Variants in AGMO observed in about 807,000 individuals in gnomAD.
AGMO encodes alkylglycerol monooxygenase, also known as glyceryl-ether monooxygenase.
A neutral mutation model predicts 60.2 loss-of-function variants in AGMO; 75 were observed. The ratio of observed to expected loss-of-function variants is 1.25; its 90% CI spans 1.03 to 1.51. The LOEUF (loss-of-function observed/expected upper bound fraction) is 1.51. Among genes scored for constraint, AGMO ranks in the 40% most tolerant of loss-of-function variants. The probability of loss-of-function intolerance (pLI) is 0.00; values close to 1 mark genes in which losing one functional copy is unlikely to be tolerated. For missense variants in AGMO, 763 were observed against 525.5 expected (o/e 1.45, Z -4.42); for synonymous variants, 261 against 177.1 (o/e 1.47, Z -3.76).
intron 12 of AGMO, among the ~76,000 whole-genome samples, chr7:15,240,658 C>G (rs1269656305): frequency 6.6e-6 from 1 of 152,116 alleles, no homozygotes; most frequent in Admixed American, 6.5e-5. Flanking sequence ...ATCACTCTCT[C>G]ATATTCCACA....
At chr7:15,193,305 A>AT in the AGMO span, among the ~76,000 whole-genome samples, 1 of 152,276 alleles carries the variant, frequency 6.6e-6, no homozygotes, top group Admixed American at 6.5e-5. Context: ...TAGCTCTTGT[A>AT]TTTTTGCCTA....
intron 5 of AGMO, among the ~76,000 whole-genome samples, chr7:15,399,977 T>G (rs1036522229): frequency 1.3e-5 from 2 of 152,192 alleles, no homozygotes; most frequent in Non-Finnish European, 2.9e-5. Flanking sequence ...GCACTCTTCT[T>G]GATTTTTCCA....
chr7:15,336,100 C>G (rs964764487), intron 12 of AGMO, among the ~76,000 whole-genome samples: 9 of 152,062 alleles, frequency 5.9e-5, no homozygotes, highest in African/African-American at 1.7e-4. Context: ...TACTACTATT[C>G]CTTCTATTTA....
intron 2 of AGMO, among the ~76,000 whole-genome samples, chr7:15,549,434 G>A (rs1384471605): frequency 1.3e-5 from 2 of 152,096 alleles, no homozygotes; most frequent in Non-Finnish European, 2.9e-5. Context: ...CTCATGTGCA[G>A]AGACACACAT....
At chr7:15,454,758 C>G (rs527590619) in intron 3 of AGMO, among the ~76,000 whole-genome samples, 1 of 152,046 alleles carries the variant, frequency 6.6e-6, no homozygotes, top group African/African-American at 2.4e-5. Context: ...TCTTCTATCA[C>G]CATAGATACT....
chr7:15,543,925 G>T (rs7806526), intron 3 of AGMO, among the ~76,000 whole-genome samples: 2 of 151,522 alleles, frequency 1.3e-5, no homozygotes, highest in Non-Finnish European at 2.9e-5. Flanking sequence ...TCCTACCAAC[G>T]GTATAAAACT....
chr7:15,368,917 C>G (rs1358534291), intron 10 of AGMO, among the ~76,000 whole-genome samples: 1 of 152,092 alleles, frequency 6.6e-6, no homozygotes, highest in South Asian at 2.1e-4. Flanking sequence ...TAGTCAACAT[C>G]TCTAACTGGT....
chr7:15,166,292 C>G, the AGMO span, among the ~76,000 whole-genome samples: 1 of 152,104 alleles, frequency 6.6e-6, no homozygotes, highest in Non-Finnish European at 1.5e-5. Flanking sequence ...AGAGTGAGCC[C>G]TCCTGACACG....
chr7:15,464,376 C>G (rs17607513), intron 3 of AGMO, among the ~76,000 whole-genome samples: 17,825 of 152,192 alleles, frequency 0.12, 1,247 homozygotes, highest in Non-Finnish European at 0.16. Flanking sequence ...TAGACTTGAA[C>G]TTGTGCTTTT....
intron 5 of AGMO, among the ~76,000 whole-genome samples, chr7:15,405,263 G>T (rs566215854): frequency 6.6e-6 from 1 of 151,768 alleles, no homozygotes; most frequent in Non-Finnish European, 1.5e-5. Flanking sequence ...CACAATCAGT[G>T]CGTTCATTCA....
intron 5 of AGMO, among the ~76,000 whole-genome samples, chr7:15,400,711 G>C (rs1784529266): frequency 6.6e-6 from 1 of 151,886 alleles, no homozygotes; most frequent in Non-Finnish European, 1.5e-5. Context: ...TAAAATGAAG[G>C]AGCCAAAACA....
At chr7:15,392,802 AC>A (rs796436841) in intron 6 of AGMO, among the ~76,000 whole-genome samples, 56,564 of 128,652 alleles carry the variant, frequency 0.44, 10,932 homozygotes, top group Middle Eastern at 0.55. Flanking sequence ...CTGTCTCAAA[AC>A]AAACAAACAA....
the AGMO span, among the ~76,000 whole-genome samples, chr7:15,159,489 T>C: frequency 6.6e-6 from 1 of 152,184 alleles, no homozygotes; most frequent in South Asian, 2.1e-4. Flanking sequence ...GGGTTACTAC[T>C]TTCTCCCTAG....
At chr7:15,174,063 A>G in the AGMO span, among the ~76,000 whole-genome samples, 10 of 152,026 alleles carry the variant, frequency 6.6e-5, no homozygotes, top group Non-Finnish European at 2.9e-5. Flanking sequence ...TGTTTGTAAA[A>G]TATTGGGAAC....
At chr7:15,156,546 C>G in the AGMO span, among the ~76,000 whole-genome samples, 5 of 152,170 alleles carry the variant, frequency 3.3e-5, no homozygotes, top group Admixed American at 2.6e-4. Flanking sequence ...CTTGCCAGAT[C>G]AGATGTTCTT....
At chr7:15,234,685 T>C (rs1233527018) in intron 12 of AGMO, among the ~76,000 whole-genome samples, 1 of 152,230 alleles carries the variant, frequency 6.6e-6, no homozygotes, top group African/African-American at 2.4e-5. Flanking sequence ...ACTACTCAAC[T>C]ATGCCATGAT....
intron 3 of AGMO, among the ~76,000 whole-genome samples, chr7:15,528,054 C>A (rs1431688690): frequency 6.6e-6 from 1 of 152,156 alleles, no homozygotes; most frequent in Non-Finnish European, 1.5e-5. Context: ...ATCCATTCTG[C>A]AGCATGTGGA....
intron 12 of AGMO, among the ~76,000 whole-genome samples, chr7:15,303,308 T>C (rs1780507989): frequency 6.6e-6 from 1 of 152,150 alleles, no homozygotes; most frequent in Non-Finnish European, 1.5e-5. Context: ...TTTCTGTATT[T>C]TTGGCTTATT....
chr7:15,393,268 C>A (rs1042952288), intron 6 of AGMO, among the ~76,000 whole-genome samples: 1 of 152,162 alleles, frequency 6.6e-6, no homozygotes, highest in African/African-American at 2.4e-5. Context: ...AAAGGCAGGG[C>A]TTCAGGGATT....
Sources: allele counts gnomAD v4.1 joint callset (sites outside exome capture counted in the v4.1 genomes callset), GRCh38; gene constraint gnomAD v4.1.1; transcripts MANE v1.5; gene names NCBI Gene and HGNC (gene_info 2026-07-23, HGNC 2026-07-21).